GAP43: variants seen among roughly 807,000 people sequenced by gnomAD.
GAP43 encodes neuromodulin.
A neutral mutation model predicts 18.6 loss-of-function variants in GAP43; 6 were observed. The ratio of observed to expected loss-of-function variants is 0.32; its 90% CI spans 0.18 to 0.64. The LOEUF is 0.64. Ranked by LOEUF, GAP43 falls within the 30% of genes least tolerant of loss-of-function variation. GAP43 has a pLI of 0.78. For synonymous variants in GAP43, 115 were observed against 111.4 expected (o/e 1.03, Z -0.20); for missense variants, 292 against 295.5 (o/e 0.99, Z 0.09).
chr3:115,650,327 G>A (rs1708506386), intron 1 of GAP43, among the ~76,000 whole-genome samples: 1 of 152,100 alleles, frequency 6.6e-6, no homozygotes, highest in South Asian at 2.1e-4. Flanking sequence ...TATCAGCGAG[G>A]GCATTATAGT....
chr3:115,672,643 A>G lies in GAP43; in HGVS notation c.31-3370A>G, dbSNP rs545795001. On this transcript the variant is annotated intron_variant, in intron 1 of 2. Coordinates refer to ENST00000305124, the MANE Select transcript of GAP43 (RefSeq NM_002045.4). ...TTTTATTTATGGATGTCTCTATTCA[A>G]TCACTGAAGTCTGACCTCTTCTTAG... Among the ~76,000 whole-genome samples, 25 of 152,176 alleles carry G rather than the reference A, an allele frequency of 1.6e-4. No homozygotes were observed. In the South Asian group the frequency reaches 3.7e-3, roughly 23 times the overall value.
chr3:115,646,952 T>C (rs1478906489), intron 1 of GAP43, among the ~76,000 whole-genome samples: 1 of 151,992 alleles, frequency 6.6e-6, no homozygotes, highest in Non-Finnish European at 1.5e-5. Context: ...TGGGACATTG[T>C]GATGGGGGCA....
intron 2 of GAP43, among the ~76,000 whole-genome samples, chr3:115,709,274 T>G (rs1190344699): frequency 3.3e-5 from 5 of 152,228 alleles, no homozygotes; most frequent in Non-Finnish European, 5.9e-5. Flanking sequence ...CATTTTTTAA[T>G]GCCTTTAGGC....
At chr3:115,686,701 A>G (rs1267203717) in intron 2 of GAP43, among the ~76,000 whole-genome samples, 2 of 152,208 alleles carry the variant, frequency 1.3e-5, no homozygotes, top group African/African-American at 2.4e-5. Flanking sequence ...ACTTAGTTTG[A>G]AAATTATTAT....
intron 2 of GAP43, among the ~76,000 whole-genome samples, chr3:115,677,634 A>G (rs1472936577): frequency 6.6e-6 from 1 of 152,192 alleles, no homozygotes. Context: ...AAAGATCCTC[A>G]AAGATAAAGT....
chr3:115,669,069 TACACAC>T (rs151338962), intron 1 of GAP43, among the ~76,000 whole-genome samples: 2 of 145,472 alleles, frequency 1.4e-5, no homozygotes, highest in African/African-American at 5.1e-5. Flanking sequence ...AAAGAAAAAG[TACACAC>T]ACACACACAC....
chr3:115,669,804 A>G (rs1448522445), intron 1 of GAP43, among the ~76,000 whole-genome samples: 4 of 151,852 alleles, frequency 2.6e-5, no homozygotes, highest in Middle Eastern at 3.4e-3. Context: ...TAACATTACT[A>G]CTGCAGTTTC....
chr3:115,641,510 TCA>T (rs376412583), intron 1 of GAP43, among the ~76,000 whole-genome samples: 110 of 106,940 alleles, frequency 1.0e-3, no homozygotes, highest in East Asian at 2.8e-3. Context: ...ATATATATAT[TCA>T]CACACACACA....
chr3:115,625,645 A>T (rs1708178522), intron 1 of GAP43, among the ~76,000 whole-genome samples: 1 of 152,210 alleles, frequency 6.6e-6, no homozygotes, highest in Non-Finnish European at 1.5e-5. Context: ...AATAAAGGAA[A>T]TCATGTATGA....
chr3:115,694,701 T>A (rs1709162310), intron 2 of GAP43, among the ~76,000 whole-genome samples: 1 of 152,226 alleles, frequency 6.6e-6, no homozygotes. Flanking sequence ...TTCTGCTCCC[T>A]TTCCATAATT....
chr3:115,696,588 C>T (rs1474125150), intron 2 of GAP43, among the ~76,000 whole-genome samples: 2 of 130,432 alleles, frequency 1.5e-5, no homozygotes, highest in Admixed American at 7.7e-5. Flanking sequence ...GCCCCCCCCC[C>T]CCACAAACAG....
intron 2 of GAP43, among the ~76,000 whole-genome samples, chr3:115,683,147 GCACACA>G (rs869219452): frequency 0.024 from 3,032 of 127,370 alleles, 38 homozygotes; most frequent in Non-Finnish European, 0.032. Context: ...GCGCGCGCGC[GCACACA>G]CACACACACA....
At chr3:115,661,332 T>TGTGCA (rs1488259942) in intron 1 of GAP43, 1 of 152,196 alleles carries the variant, frequency 6.6e-6, no homozygotes, top group Non-Finnish European at 1.5e-5. Context: ...TAAGTGCCTT[T>TGTGCA]GTGCAGCATC....
chr3:115,705,026 C>T (rs1204393309), intron 2 of GAP43, among the ~76,000 whole-genome samples: 1 of 152,158 alleles, frequency 6.6e-6, no homozygotes, highest in African/African-American at 2.4e-5. Flanking sequence ...TGCCAAGTCT[C>T]TAGTTTACTT....
At chr3:115,658,388 A>G (rs1024091865) in intron 1 of GAP43, 3 of 151,642 alleles carry the variant, frequency 2.0e-5, no homozygotes, top group Admixed American at 2.0e-4. Context: ...TTCCTACCCC[A>G]CCTTCTGCGT....
chr3:115,638,367 A>G (rs1708355924), intron 1 of GAP43, among the ~76,000 whole-genome samples: 1 of 152,036 alleles, frequency 6.6e-6, no homozygotes, highest in Admixed American at 6.6e-5. Flanking sequence ...GCCTCTTTTT[A>G]GTTTTTAAAA....
Position 115,668,526 on chromosome 3 carries a change from G to A in GAP43, c.31-7487G>A, listed in dbSNP as rs571476834. Reference sequence around the variant, plus strand: ...CGCAACCTCCGCCTCCTGGGTTCAAGCAATTCTCCTGCCTCAGCCTCCCAA... The same window carrying A: ...CGCAACCTCCGCCTCCTGGGTTCAAACAATTCTCCTGCCTCAGCCTCCCAA... On this transcript the variant is annotated intron_variant, in intron 1 of 2. Transcript: ENST00000305124. Among the ~76,000 whole-genome samples the A allele has an allele frequency of 1.2e-4, 19 of 152,272 alleles. 1 individual carries two copies. Among genetic ancestry groups the A allele is most frequent in the Middle Eastern group, 6.8e-3 (2 of 294 alleles).
At chr3:115,706,877 A>G (rs1248068125) in intron 2 of GAP43, among the ~76,000 whole-genome samples, 1 of 152,248 alleles carries the variant, frequency 6.6e-6, no homozygotes, top group East Asian at 1.9e-4. Flanking sequence ...GGTTGAAGAT[A>G]ACTCATTTAT....
chr3:115,645,385 C>T (rs918466072), intron 1 of GAP43, among the ~76,000 whole-genome samples: 26 of 151,904 alleles, frequency 1.7e-4, no homozygotes, highest in Non-Finnish European at 3.2e-4. Flanking sequence ...GAGGCCCAAC[C>T]AACTCTTCTT....
Sources: gnomAD v4.1 joint callset for allele counts (sites outside exome capture counted in the v4.1 genomes callset) on GRCh38, gnomAD v4.1.1 for gene constraint, MANE v1.5 for transcripts, NCBI Gene and HGNC (gene_info 2026-07-23, HGNC 2026-07-21) for gene names.